SEC31B: variants seen among roughly 807,000 people sequenced by gnomAD.
The protein encoded by SEC31B is protein transport protein Sec31B.
A neutral mutation model predicts 135.0 loss-of-function variants in SEC31B; 113 were observed. The observed-to-expected ratio is 0.84, with a 90% CI of 0.72 to 0.98. The LOEUF is 0.98. Among genes scored for constraint, SEC31B ranks in the 50% least tolerant of loss-of-function variants. The pLI is 0.00. For missense variants in SEC31B, 1,296 were observed against 1,421.1 expected, an observed-to-expected ratio of 0.91 and a Z score of 1.42; for synonymous variants, 508 against 549.4, an observed-to-expected ratio of 0.92 and a Z score of 1.05.
In SEC31B at chr10:100,490,336, G is replaced by A. The variant is rs74154662; in HGVS notation, c.2651-14C>T. The A allele has an allele frequency of 1.2e-3, 1,991 of 1,606,602 alleles. 23 individuals carry two copies. The African/African-American group carries it at 0.023, about 19-fold the overall frequency. On this transcript the variant is annotated splice_polypyrimidine_tract_variant and intron_variant, in intron 20 of 25. Coordinates refer to ENST00000370345, the MANE Select transcript of SEC31B (RefSeq NM_015490.4). ...GCTGAGATGAAGCTGAAGCAGAACA[G>A]AAATAGGTCATTTGTCACTAAACTT...
rs968339043 is a variant in SEC31B, at chr10:100,506,476, G to T, written c.783-56C>A. 18 of 1,474,360 alleles carry T rather than the reference G, an allele frequency of 1.2e-5. No individual in the cohort carries two copies. The Admixed American group carries it at 2.0e-4, about 17-fold the overall frequency. The allele number at this position is 1,474,360 out of a possible 1,614,324, so 91.3% of individuals were successfully genotyped here. ...TTGTTGAATGCCTACTATGAGTAGG[G>T]TGCCTTATATGTCTTTTATACATTT... On this transcript the variant is annotated intron_variant, in intron 7 of 25. Coordinates refer to ENST00000370345, the MANE Select transcript of SEC31B (RefSeq NM_015490.4).
intron 19 of SEC31B, among the ~76,000 whole-genome samples, chr10:100,492,842 G>C (rs1851326239): frequency 1.3e-5 from 2 of 152,176 alleles, no homozygotes; most frequent in Admixed American, 1.3e-4. Flanking sequence ...GGCATGAGCT[G>C]ACAGGTGATA....
At chr10:100,491,158 C>T (rs1203827832) in intron 19 of SEC31B, among the ~76,000 whole-genome samples, 1 of 152,118 alleles carries the variant, frequency 6.6e-6, no homozygotes, top group Admixed American at 6.5e-5. Context: ...AATCTGACAA[C>T]TTATCAGAAA....
At chr10:100,506,744 CACAA>C (rs1159961230) in intron 7 of SEC31B, among the ~76,000 whole-genome samples, 2 of 152,128 alleles carry the variant, frequency 1.3e-5, no homozygotes, top group Admixed American at 1.3e-4. Context: ...GTATGAATCA[CACAA>C]ACACTCATCA....
rs970312676 is a variant in SEC31B at position 100,490,394 on chromosome 10, G to C, written c.2651-72C>G. The C allele has an allele frequency of 2.8e-6, 4 of 1,419,244 alleles. No individual in the cohort carries two copies. In the African/African-American group the frequency reaches 5.8e-5, roughly 21 times the overall value. The allele number at this position is 1,419,244 out of a possible 1,614,324, so 87.9% of individuals were successfully genotyped here. On this transcript the variant is annotated intron_variant, in intron 20 of 25. Coordinates refer to ENST00000370345, the MANE Select transcript of SEC31B (RefSeq NM_015490.4). Reference sequence around the variant, plus strand: ...GGAGCAACTCAGAGCATATCAGGGAGAAACAGGATTGCAATAAAAAAATAA... The same window carrying C: ...GGAGCAACTCAGAGCATATCAGGGACAAACAGGATTGCAATAAAAAAATAA...
rs1564652396 is a variant in SEC31B at position 100,506,062 on chromosome 10, T to G, written c.1022A>C (p.Gln341Pro). 6.2e-7 allele frequency: 1 copy of G among 1,613,926 alleles called. No individual in the cohort carries two copies. Among genetic ancestry groups the G allele is most frequent in the Non-Finnish European group, 8.5e-7 (1 of 1,180,018 alleles). ...YSVMGRSWEV[Q>P]HMRQADKISS... Reference sequence around the variant, plus strand: ...AACCTTGTCAGCCTGTCTCATATGCTGGACTTCCCAGCTCCTACCCATCAC... The same window carrying G: ...AACCTTGTCAGCCTGTCTCATATGCGGGACTTCCCAGCTCCTACCCATCAC... Residue 341 changes from glutamine (Q) to proline (P), a missense_variant, in exon 9 of 26, where the codon CAG (glutamine) becomes CCG (proline). Coordinates refer to ENST00000370345, the MANE Select transcript of SEC31B (RefSeq NM_015490.4).
rs9420790 is a variant in SEC31B, at chr10:100,496,440, G to T, written c.2137-9C>A. ...ACCTTCTCCATCAGGTCCTGTAAGG[G>T]CAAGGATGAGGGTGGTAAGCCTTCA... On this transcript the variant is annotated splice_polypyrimidine_tract_variant and intron_variant, in intron 17 of 25. Coordinates refer to ENST00000370345, the MANE Select transcript of SEC31B (RefSeq NM_015490.4). 6.2e-7 allele frequency: 1 copy of T among 1,613,874 alleles called. No homozygotes were observed. Among genetic ancestry groups the T allele is most frequent in the East Asian group, 2.2e-5 (1 of 44,880 alleles).
chr10:100,505,770 A>C (rs1362433317), intron 9 of SEC31B: 3 of 1,416,382 alleles, frequency 2.1e-6, no homozygotes, highest in Non-Finnish European at 1.8e-6. Context: ...CATACTCTTG[A>C]AATAACTGTC....
intron 4 of SEC31B, 47 bp downstream of exon 4, chr10:100,509,269 C>A: frequency 1.3e-6 from 2 of 1,577,112 alleles, no homozygotes; most frequent in Non-Finnish European, 1.7e-6. Flanking sequence ...CCACTCAGAT[C>A]TGTTGCTCCC....
intron 3 of SEC31B, 93 bp from the exon 4 acceptor site, chr10:100,509,604 G>T: frequency 9.8e-7 from 1 of 1,021,154 alleles, no homozygotes; most frequent in Non-Finnish European, 1.4e-6. Context: ...CATTATGCAG[G>T]CAGCCCCACC....
At chr10:100,496,499 C>T in intron 17 of SEC31B, 68 bp from the exon 18 acceptor site, 1 of 1,538,208 alleles carries the variant, frequency 6.5e-7, no homozygotes, top group Non-Finnish European at 8.9e-7. Flanking sequence ...GTCCACGCAG[C>T]TCATTCAGGG....
chr10:100,487,862 A>G, intron 25 of SEC31B, 67 bp from the exon 26 acceptor site: 1 of 1,584,200 alleles, frequency 6.3e-7, no homozygotes, highest in Non-Finnish European at 8.6e-7. Flanking sequence ...CATGGAAGGG[A>G]TAAGGGAAGA....
At position 100,506,411 on chromosome 10, in the gene SEC31B, C is replaced by A; in HGVS notation, c.792G>T (p.Leu264Phe). 1 of 1,614,112 alleles carries A rather than the reference C, an allele frequency of 6.2e-7. No individual in the cohort carries two copies. The highest frequency in any genetic ancestry group is 8.5e-7 in the Non-Finnish European group (1 of 1,180,006). Residue 264 changes from leucine (L) to phenylalanine (F), a missense_variant, in exon 8 of 26, where the codon TTG becomes TTT. By Grantham distance (22) the Leu-to-Phe change is conservative. Transcript: ENST00000370345. ...KVLESHSRGI[L>F]SVSWSQADAE... ...CATCAGCCTGGCTCCATGACACTGACAAGATCCCCCTAAAAAGAGAAGGGA... is the reference window on the plus strand; with the variant it reads ...CATCAGCCTGGCTCCATGACACTGAAAAGATCCCCCTAAAAAGAGAAGGGA...
intron 13 of SEC31B, 79 bp from the exon 14 acceptor site, chr10:100,498,883 C>T (rs976792254): frequency 1.8e-6 from 2 of 1,138,778 alleles, no homozygotes; most frequent in African/African-American, 1.6e-5. Context: ...GCCCTGAGAG[C>T]TCTACTATTT....
At position 100,505,352 on chromosome 10, in the gene SEC31B, T is replaced by A; in HGVS notation, c.1179+9A>T. 1 of 1,612,530 alleles carries A rather than the reference T, an allele frequency of 6.2e-7. No homozygotes were observed. On this transcript the variant is annotated intron_variant, in intron 10 of 25. Coordinates refer to ENST00000370345, the MANE Select transcript of SEC31B (RefSeq NM_015490.4). ...AACACACACACACCTATACATCCAC[T>A]ACACTTACAGCAAATGAAACACCTG...
intron 20 of SEC31B, 105 bp downstream of exon 20, chr10:100,490,601 T>C: frequency 8.3e-7 from 1 of 1,203,108 alleles, no homozygotes; most frequent in Non-Finnish European, 1.1e-6. Flanking sequence ...TCCAAGCTCC[T>C]CTCACTAGAC....
At chr10:100,514,848 G>T (rs1171300418) in intron 3 of SEC31B, among the ~76,000 whole-genome samples, 1 of 151,990 alleles carries the variant, frequency 6.6e-6, no homozygotes. Flanking sequence ...AGGTGTGGTG[G>T]CGCGCACCTG....
At position 100,488,908 on chromosome 10, in the gene SEC31B, T is replaced by C; in HGVS notation, c.3238A>G (p.Ser1080Gly). The C allele has an allele frequency of 6.2e-7, 1 of 1,611,292 alleles. No individual in the cohort carries two copies. Among genetic ancestry groups the C allele is most frequent in the Non-Finnish European group, 8.5e-7 (1 of 1,179,010 alleles). Residue 1080 changes from serine to glycine, a missense_variant, in exon 24 of 26, where the codon AGC becomes GGC. Coordinates refer to ENST00000370345, the MANE Select transcript of SEC31B (RefSeq NM_015490.4). ...ELPPEHQSLK[S>G]SFEALLQRCS... ...CGTTGGAGAAGCGCCTCAAAGCTGC[T>C]CTTCAAGGACTGATGCTCTGGGGGC...
chr10:100,499,480 T>C, intron 12 of SEC31B, 44 bp downstream of exon 12: 1 of 1,489,070 alleles, frequency 6.7e-7, no homozygotes, highest in Non-Finnish European at 9.3e-7. Context: ...CATTCTCTTC[T>C]TCTCTTCAAC....
Sources: gnomAD v4.1 joint callset for allele counts (sites outside exome capture counted in the v4.1 genomes callset) on GRCh38, gnomAD v4.1.1 for gene constraint, MANE v1.5 for transcripts, NCBI Gene and HGNC (gene_info 2026-07-23, HGNC 2026-07-21) for gene names.